Variants in RHOG observed in about 807,000 individuals in gnomAD.
RHOG encodes the protein rho-related GTP-binding protein RhoG.
Under a neutral mutation model 12.3 loss-of-function variants are expected in RHOG, and 1 was observed. The observed-to-expected ratio is 0.08, with a 90% CI of 0.03 to 0.39. The LOEUF (loss-of-function observed/expected upper bound fraction) is 0.39, where lower values mean the gene tolerates loss of function less well. RHOG is among the 10% of genes least tolerant of loss of function. RHOG has a pLI of 0.99. For missense variants in RHOG, 114 were observed against 266.2 expected, an observed-to-expected ratio of 0.43 and a Z score of 3.98; for synonymous variants, 129 against 116.0, an observed-to-expected ratio of 1.11 and a Z score of -0.72.
intron 1 of RHOG, among the ~76,000 whole-genome samples, chr11:3,835,158 AGGTCCT>A (rs1054687597): frequency 6.6e-6 from 1 of 152,216 alleles, no homozygotes; most frequent in African/African-American, 2.4e-5. Flanking sequence ...CTAGAGGGCA[AGGTCCT>A]GGTTGACTGG....
chr11:3,831,279 G>A (rs2090126688), intron 1 of RHOG, among the ~76,000 whole-genome samples: 2 of 152,102 alleles, frequency 1.3e-5, no homozygotes, highest in South Asian at 4.1e-4. Context: ...AAGGACCCAG[G>A]GCTTGGTCCC....
At chr11:3,829,475 T>C (rs1321311204) in intron 1 of RHOG, among the ~76,000 whole-genome samples, 1 of 152,010 alleles carries the variant, frequency 6.6e-6, no homozygotes, top group Admixed American at 6.6e-5. Flanking sequence ...GGTCTCAAGC[T>C]CCTGACCTCA....
intron 1 of RHOG, among the ~76,000 whole-genome samples, chr11:3,831,628 G>A (rs2090129445): frequency 6.6e-6 from 1 of 152,190 alleles, no homozygotes; most frequent in Admixed American, 6.5e-5. Context: ...CGCTTGCTGG[G>A]CCTCAGTTTT....
At chr11:3,828,930 A>AC (rs2090109806) in intron 1 of RHOG, among the ~76,000 whole-genome samples, 1 of 148,846 alleles carries the variant, frequency 6.7e-6, no homozygotes, top group Non-Finnish European at 1.5e-5. Flanking sequence ...AGTATTAGCT[A>AC]TTTTTTTTTT....
intron 1 of RHOG, among the ~76,000 whole-genome samples, chr11:3,833,193 C>A (rs1298266962): frequency 6.6e-6 from 1 of 152,128 alleles, no homozygotes; most frequent in Non-Finnish European, 1.5e-5. Flanking sequence ...GTCTCAACCT[C>A]CCAGGCTCAA....
intron 1 of RHOG, among the ~76,000 whole-genome samples, chr11:3,828,752 C>G (rs779779959): frequency 6.8e-4 from 103 of 150,984 alleles, no homozygotes; most frequent in Non-Finnish European, 1.3e-3. Context: ...TCTCGAGTAG[C>G]TGGGACTACA....
chr11:3,829,253 T>A (rs1460503111), intron 1 of RHOG, among the ~76,000 whole-genome samples: 4 of 148,666 alleles, frequency 2.7e-5, no homozygotes, highest in Non-Finnish European at 4.5e-5. Context: ...GGGGAAATTT[T>A]TTTTTTTTTT....
Position 3,827,859 on chromosome 11 carries a change from G to C in RHOG, c.280C>G (p.Arg94Gly). Residue 94 changes from arginine (R) to glycine (G), a missense_variant, in exon 2 of 2, where the codon CGG becomes GGG. Around this residue, in one of 2 missense-constraint regions of RHOG, gnomAD observed 53 missense variants for 164.8 expected, o/e 0.32. Transcript: ENST00000351018. This position sits in a 1 kb window ranked among gnomAD's most constrained non-coding sequence, Gnocchi z 7.3. ...IASPPSYENV[R>G]HKWHPEVCHH... ...CACACCTCTGGATGCCACTTGTGCC[G>C]CACGTTCTCATAGGACGGCGGACTG... 6.2e-7 allele frequency: 1 copy of C among 1,614,166 alleles called. No individual in the cohort carries two copies. The highest frequency in any genetic ancestry group is 8.5e-7 in the Non-Finnish European group (1 of 1,180,016).
intron 1 of RHOG, among the ~76,000 whole-genome samples, chr11:3,836,636 C>G (rs930311267): frequency 2.0e-5 from 3 of 151,770 alleles, no homozygotes; most frequent in African/African-American, 7.3e-5. Context: ...TGGTGGCTCA[C>G]ATCTGTAATC....
intron 1 of RHOG, among the ~76,000 whole-genome samples, chr11:3,839,223 T>C (rs556966756): frequency 1.3e-5 from 2 of 152,290 alleles, no homozygotes; most frequent in African/African-American, 4.8e-5. Flanking sequence ...TCAGGCTGTC[T>C]TCCGGCTTCT....
In RHOG at chr11:3,827,262, C is replaced by A. The variant is rs12289989; in HGVS notation, c.*301G>T. The A allele has an allele frequency of 1.3e-3, 542 of 415,548 alleles. 2 individuals are homozygous for A. Among genetic ancestry groups the A allele is most frequent in the African/African-American group, 9.8e-3 (494 of 50,626 alleles). 25.7% of individuals were successfully genotyped at this position (415,548 alleles called of 1,614,324 possible). Reference sequence around the variant, plus strand: ...ACAACTGTGTGGAAAGCTGGATGAACTGGTCAGTAGCGGAAAATGGGAGGG... The same window carrying A: ...ACAACTGTGTGGAAAGCTGGATGAAATGGTCAGTAGCGGAAAATGGGAGGG... On this transcript the variant is annotated 3_prime_UTR_variant, in exon 2 of 2. Transcript: ENST00000351018. The surrounding 1 kb of genome is among the most constrained non-coding windows in gnomAD (Gnocchi z 7.3).
chr11:3,838,763 G>A (rs1308842171), intron 1 of RHOG, among the ~76,000 whole-genome samples: 8 of 152,190 alleles, frequency 5.3e-5, no homozygotes, highest in East Asian at 1.9e-4. Flanking sequence ...GATGACTAGA[G>A]GAGGTAGACA....
At chr11:3,832,905 A>C (rs1291604375) in intron 1 of RHOG, among the ~76,000 whole-genome samples, 3 of 152,258 alleles carry the variant, frequency 2.0e-5, no homozygotes, top group East Asian at 1.9e-4. Context: ...AGAATCATTA[A>C]GCCCAGCTCA....
intron 1 of RHOG, among the ~76,000 whole-genome samples, chr11:3,838,497 G>C (rs1224843139): frequency 8.1e-6 from 1 of 123,964 alleles, no homozygotes; most frequent in Non-Finnish European, 1.8e-5. Flanking sequence ...TGCCTTGTAT[G>C]CACATCCTTC....
At chr11:3,839,983 A>G (rs2090181027) in intron 1 of RHOG, among the ~76,000 whole-genome samples, 1 of 152,128 alleles carries the variant, frequency 6.6e-6, no homozygotes, top group Non-Finnish European at 1.5e-5. Flanking sequence ...GGAAGGGATG[A>G]GAAGAGAGTG....
chr11:3,836,276 G>C lies in RHOG; in HGVS notation c.-69+4618C>G, dbSNP rs1036013002. ...GGAGGCTGAGGGAGGACAATCACTT[G>C]AACCCAGGAGGCAGAGGTTGCAGTG... On this transcript the variant is annotated intron_variant, in intron 1 of 1. Transcript: ENST00000351018. Among the ~76,000 whole-genome samples, 4 of 148,736 alleles carry C rather than the reference G, an allele frequency of 2.7e-5. No individual in the cohort carries two copies. In the Admixed American group the frequency reaches 2.7e-4, roughly 10 times the overall value.
At chr11:3,828,895 C>G (rs1243532210) in intron 1 of RHOG, among the ~76,000 whole-genome samples, 1 of 151,848 alleles carries the variant, frequency 6.6e-6, no homozygotes, top group Non-Finnish European at 1.5e-5. Context: ...GCTGGGATTA[C>G]AGGCGTGAGC....
chr11:3,839,477 C>T (rs552656450), intron 1 of RHOG, among the ~76,000 whole-genome samples: 9 of 126,548 alleles, frequency 7.1e-5, no homozygotes, highest in East Asian at 2.3e-4. Flanking sequence ...CACAGACACG[C>T]GCGCGCGAAC....
chr11:3,838,669 G>C (rs1377715906), intron 1 of RHOG, among the ~76,000 whole-genome samples: 1 of 152,170 alleles, frequency 6.6e-6, no homozygotes, highest in Non-Finnish European at 1.5e-5. Flanking sequence ...TGACAGAATG[G>C]GGAACAGGGA....
Sources: gnomAD v4.1 joint callset for allele counts (sites outside exome capture counted in the v4.1 genomes callset) on GRCh38, gnomAD v4.1.1 for gene constraint, gnomAD v4.1.1 regional missense constraint, Gnocchi (gnomAD v3.1) non-coding constraint, MANE v1.5 for transcripts, NCBI Gene and HGNC (gene_info 2026-07-23, HGNC 2026-07-21) for gene names.